PCDHGA9: variants seen among roughly 807,000 people sequenced by gnomAD.
The protein encoded by PCDHGA9 is protocadherin gamma subfamily A, 9, also known as protocadherin gamma-A9.
A neutral mutation model predicts 62.5 loss-of-function variants in PCDHGA9; 37 were observed. The observed-to-expected ratio is 0.59, with a 90% confidence interval of 0.46 to 0.78. The LOEUF (loss-of-function observed/expected upper bound fraction) is 0.78. Ranked by LOEUF, PCDHGA9 falls within the 30% of genes least tolerant of loss-of-function variation. The probability of loss-of-function intolerance (pLI) is 0.00; values close to 1 mark genes in which losing one functional copy is unlikely to be tolerated. For missense variants in PCDHGA9, 1,138 were observed against 1,166.2 expected, an observed-to-expected ratio of 0.98 and a Z score of 0.35; for synonymous variants, 459 against 484.6, an observed-to-expected ratio of 0.95 and a Z score of 0.69.
chr5:141,420,065 G>A (rs1253164840), intron 1 of PCDHGA9: 4 of 1,614,018 alleles, frequency 2.5e-6, no homozygotes, highest in Non-Finnish European at 3.4e-6. Flanking sequence ...CTCCAAGTCC[G>A]GACCTGTGGG....
At position 141,477,379 on chromosome 5, in the gene PCDHGA9, A is replaced by T; in HGVS notation, c.2425-17428A>T. Reference sequence around the variant, plus strand: ...CAGACCTGGATCGGGAGACTGTGCCAGAATACAACCTCAGCATCACCGCCC... The same window carrying T: ...CAGACCTGGATCGGGAGACTGTGCCTGAATACAACCTCAGCATCACCGCCC... On this transcript the variant is annotated intron_variant, in intron 1 of 3. Transcript: ENST00000573521. The surrounding 1 kb of genome is among the most constrained non-coding windows in gnomAD (Gnocchi z 4.9). 1.2e-6 allele frequency: 2 copies of T among 1,614,184 alleles called. No individual in the cohort carries two copies. The highest frequency in any genetic ancestry group is 1.7e-6 in the Non-Finnish European group (2 of 1,180,034).
chr5:141,474,703 C>A (rs2099353282), intron 1 of PCDHGA9, among the ~76,000 whole-genome samples: 1 of 152,188 alleles, frequency 6.6e-6, no homozygotes, highest in African/African-American at 2.4e-5. Flanking sequence ...GTTCAAGGTT[C>A]TATTATACTT....
Position 141,491,711 on chromosome 5 carries a change from C to A in PCDHGA9, c.2425-3096C>A, listed in dbSNP as rs528931820. ...CGGGAGCGGAGCCAGGTGAGGGGCT[C>A]GGCGCCGCCCCGGGCGACCCCTGGG... On this transcript the variant is annotated intron_variant, in intron 1 of 3. Coordinates refer to ENST00000573521, the MANE Select transcript of PCDHGA9 (RefSeq NM_018921.3). The surrounding 1 kb of genome is among the most constrained non-coding windows in gnomAD (Gnocchi z 6.9). 1.3e-4 allele frequency: 217 copies of A among 1,609,356 alleles called. 3 individuals are homozygous for A. In the South Asian group the frequency reaches 2.2e-3, roughly 17 times the overall value.
intron 2 of PCDHGA9, among the ~76,000 whole-genome samples, chr5:141,498,277 G>T (rs1216561939): frequency 6.6e-6 from 1 of 151,924 alleles, no homozygotes; most frequent in African/African-American, 2.4e-5. Flanking sequence ...CAGTAAACTT[G>T]GTTCAAGATC....
chr5:141,505,362 G>A (rs766427680), intron 2 of PCDHGA9, 31 bp from the exon 3 acceptor site: 1 of 1,613,966 alleles, frequency 6.2e-7, no homozygotes, highest in Non-Finnish European at 8.5e-7. Flanking sequence ...CGGCCTGGGA[G>A]TCTGTGCTCA....
chr5:141,421,487 C>G (rs1447180364), intron 1 of PCDHGA9: 2 of 1,614,094 alleles, frequency 1.2e-6, no homozygotes, highest in Non-Finnish European at 1.7e-6. Context: ...AGCTTGATCA[C>G]GGCAGGCAGG....
intron 1 of PCDHGA9, among the ~76,000 whole-genome samples, chr5:141,482,207 G>T (rs983812650): frequency 6.6e-6 from 1 of 152,130 alleles, no homozygotes; most frequent in East Asian, 1.9e-4. Flanking sequence ...AAACAGACCA[G>T]GTACTTGTTT....
chr5:141,489,091 T>C lies in PCDHGA9; in HGVS notation c.2425-5716T>C. 1 of 333,052 alleles carries C rather than the reference T, an allele frequency of 3.0e-6. No individual in the cohort carries two copies. The highest frequency in any genetic ancestry group is 5.5e-6 in the Non-Finnish European group (1 of 181,380). 20.6% of individuals were successfully genotyped at this position (333,052 alleles called of 1,614,324 possible). On this transcript the variant is annotated intron_variant, in intron 1 of 3. Coordinates refer to ENST00000573521, the MANE Select transcript of PCDHGA9 (RefSeq NM_018921.3). This position sits in a 1 kb window ranked among gnomAD's most constrained non-coding sequence, Gnocchi z 4.5. ...CTGCCCACCCCCGCCACTCGGTGAC[T>C]AAGAACTGCTGCAAGCAGGCAAACC...
rs1424346887 is a variant in PCDHGA9, at chr5:141,489,602, T to C, written c.2425-5205T>C. ...CCCCTGGAGCTAATCCGTGTAGAGG[T>C]AGAGATCCTGGATCTCAATGACAAC... On this transcript the variant is annotated intron_variant, in intron 1 of 3. Coordinates refer to ENST00000573521, the MANE Select transcript of PCDHGA9 (RefSeq NM_018921.3). The surrounding 1 kb of genome is among the most constrained non-coding windows in gnomAD (Gnocchi z 4.5). The C allele has an allele frequency of 5.6e-6, 9 of 1,613,754 alleles. No homozygotes were observed. In the African/African-American group the frequency reaches 6.7e-5, roughly 12 times the overall value.
chr5:141,421,569 C>T (rs1029858235), intron 1 of PCDHGA9: 2 of 1,613,884 alleles, frequency 1.2e-6, no homozygotes, highest in Non-Finnish European at 1.7e-6. Flanking sequence ...TGGAAGACAC[C>T]TTGAAGATTT....
intron 1 of PCDHGA9, chr5:141,422,878 C>T: frequency 6.2e-7 from 1 of 1,614,264 alleles, no homozygotes; most frequent in African/African-American, 1.3e-5. Flanking sequence ...GTCGCTGAGC[C>T]TGTTCGTGCT....
At position 141,489,084 on chromosome 5, in the gene PCDHGA9, C is replaced by CCGG; in HGVS notation, c.2425-5723_2425-5722insCGG. ...CTCCCCCCTGCCCACCCCCGCCACT[C>CCGG]GGTGACTAAGAACTGCTGCAAGCAG... On this transcript the variant is annotated intron_variant, in intron 1 of 3. Coordinates refer to ENST00000573521, the MANE Select transcript of PCDHGA9 (RefSeq NM_018921.3). This position sits in a 1 kb window ranked among gnomAD's most constrained non-coding sequence, Gnocchi z 4.5. The CCGG allele has an allele frequency of 3.0e-6, 1 of 329,134 alleles. No homozygotes were observed. The highest frequency in any genetic ancestry group is 2.5e-5 in the African/African-American group (1 of 40,384). 20.4% of individuals were successfully genotyped at this position (329,134 alleles called of 1,614,324 possible). A position where few individuals can be genotyped will look rare whatever the true frequency, so the allele number is the denominator to read the frequency against.
chr5:141,460,455 A>AT (rs2098989699), intron 1 of PCDHGA9, among the ~76,000 whole-genome samples: 1 of 152,080 alleles, frequency 6.6e-6, no homozygotes, highest in Non-Finnish European at 1.5e-5. Flanking sequence ...GAAGATTCAT[A>AT]TTTTTTTCCA....
At chr5:141,428,120 C>A in intron 1 of PCDHGA9, 1 of 1,606,526 alleles carries the variant, frequency 6.2e-7, no homozygotes, top group Non-Finnish European at 8.5e-7. Flanking sequence ...CCATCGAGCC[C>A]GGGCTTTTCA....
rs1216840918 is a variant in PCDHGA9, at chr5:141,476,285, G to C, written c.2425-18522G>C. The C allele has an allele frequency of 1.2e-6, 2 of 1,614,036 alleles. No individual in the cohort carries two copies. The highest frequency in any genetic ancestry group is 1.7e-6 in the Non-Finnish European group (2 of 1,180,032). ...CAACGTGGTCGCGAACCTTGGTTTG[G>C]ATCTCGGTAGCCTCTCAGCCCGCAG... On this transcript the variant is annotated intron_variant, in intron 1 of 3. Coordinates refer to ENST00000573521, the MANE Select transcript of PCDHGA9 (RefSeq NM_018921.3). This position sits in a 1 kb window ranked among gnomAD's most constrained non-coding sequence, Gnocchi z 7.6.
intron 2 of PCDHGA9, among the ~76,000 whole-genome samples, chr5:141,498,191 A>G (rs2099782212): frequency 6.6e-6 from 1 of 152,270 alleles, no homozygotes; most frequent in African/African-American, 2.4e-5. Flanking sequence ...CAAATTAACC[A>G]GCTAAAGAAA....
In PCDHGA9 at chr5:141,510,980, G is replaced by A; in HGVS notation, c.2606G>A (p.Gly869Asp). The change falls in exon 4 of 4, where the codon GGT becomes GAT. Residue 869 changes from glycine (G) to aspartate (D), a missense_variant. Transcript: ENST00000573521. ...AADGSSTLGGGAGTMGLSARY... is the reference protein window; with the variant it reads ...AADGSSTLGGDAGTMGLSARY... ...GATGGGAGCTCCACCCTGGGAGGGG[G>A]TGCCGGCACCATGGGATTGAGCGCC... 1 of 1,614,170 alleles carries A rather than the reference G, an allele frequency of 6.2e-7. No homozygotes were observed.
intron 1 of PCDHGA9, among the ~76,000 whole-genome samples, chr5:141,474,294 G>A (rs535055214): frequency 1.3e-5 from 2 of 152,296 alleles, no homozygotes; most frequent in African/African-American, 4.8e-5. Context: ...CTAGATCAGT[G>A]CTTGTCAAAC....
At chr5:141,419,359 G>C (rs1257423360) in intron 1 of PCDHGA9, 1 of 1,613,796 alleles carries the variant, frequency 6.2e-7, no homozygotes. Flanking sequence ...AGTCACGAAC[G>C]CTGTCGTCCT....
Sources: gnomAD v4.1 joint callset for allele counts (sites outside exome capture counted in the v4.1 genomes callset) on GRCh38, gnomAD v4.1.1 for gene constraint, Gnocchi (gnomAD v3.1) non-coding constraint, MANE v1.5 for transcripts, NCBI Gene and HGNC (gene_info 2026-07-23, HGNC 2026-07-21) for gene names.